RPH3A: variants seen among roughly 807,000 people sequenced by gnomAD.
RPH3A encodes rabphilin 3A.
Under a neutral mutation model 102.2 loss-of-function variants are expected in RPH3A, and 48 were observed. That is an observed-to-expected ratio of 0.47 (90% CI 0.37 to 0.60). The LOEUF is 0.60. RPH3A is among the 20% of genes least tolerant of loss of function. The pLI is 0.00. For missense variants in RPH3A, 781 were observed against 910.1 expected, an observed-to-expected ratio of 0.86 and a Z score of 1.83; for synonymous variants, 310 against 324.3, an observed-to-expected ratio of 0.96 and a Z score of 0.47.
intron 10 of RPH3A, among the ~76,000 whole-genome samples, chr12:112,871,215 C>A (rs181977286): frequency 6.6e-6 from 1 of 152,238 alleles, no homozygotes; most frequent in East Asian, 1.9e-4. Context: ...TAAAATCTAC[C>A]ATTTTAACCA....
At position 112,678,299 on chromosome 12, in the gene RPH3A, A is replaced by AGAGAGAG. The variant is rs1389109730; in HGVS notation, c.-140+102980_-140+102981insGAGAGAG. ...AAAGAAAGAAAGAAAGAAAGAAAGA[A>AGAGAGAG]AGAAAGAGAGAGAGAGAGAAAGAAA... On this transcript the variant is annotated intron_variant, in intron 1 of 21. Transcript: ENST00000543106. Among the ~76,000 whole-genome samples the AGAGAGAG allele has an allele frequency of 1.6e-3, 68 of 41,350 alleles. 2 individuals carry two copies. Among genetic ancestry groups the AGAGAGAG allele is most frequent in the South Asian group, 0.013 (19 of 1,514 alleles). 27.1% of individuals were successfully genotyped at this position (41,350 alleles called of 152,430 possible).
chr12:112,870,033 C>A lies in RPH3A; in HGVS notation c.790C>A (p.Pro264Thr). ...SGGAGDSSRS[P>T]AGLRRANSVQ... ...GGGTGCTGGAGACTCCAGCCGGAGC[C>A]CAGCAGGTGAGCAAGATGGGCAAAT... The change falls in exon 10 of 22, where the codon CCA becomes ACA. Residue 264 changes from proline to threonine, a missense_variant. Physicochemically the swap from Pro to Thr is conservative, Grantham distance 38 (BLOSUM62 -1). Coordinates refer to ENST00000389385, the MANE Select transcript of RPH3A (RefSeq NM_001143854.2). The A allele has an allele frequency of 6.2e-7, 1 of 1,610,712 alleles. No homozygotes were observed. The highest frequency in any genetic ancestry group is 8.5e-7 in the Non-Finnish European group (1 of 1,178,894).
chr12:112,834,732 G>A (rs10850085), intron 3 of RPH3A, among the ~76,000 whole-genome samples: 47,820 of 151,810 alleles, frequency 0.31, 7,816 homozygotes, highest in Middle Eastern at 0.39. Flanking sequence ...TTTTTCATTC[G>A]TGTAACTTTT....
intron 1 of RPH3A, among the ~76,000 whole-genome samples, chr12:112,596,910 G>C (rs185652334): frequency 1.1e-4 from 16 of 152,328 alleles, no homozygotes; most frequent in Non-Finnish European, 2.1e-4. Flanking sequence ...GTTTTTGTCA[G>C]TGTAGAGGTC....
At chr12:112,788,413 T>C (rs559195898), upstream of RPH3A, among the ~76,000 whole-genome samples, 33 of 152,326 alleles carry the variant, frequency 2.2e-4, no homozygotes, top group Admixed American at 1.3e-3. Context: ...CTAGGGGGCC[T>C]GGTTTAGGAA....
chr12:112,807,879 G>A lies in RPH3A; in HGVS notation c.-19+15616G>A, dbSNP rs375388663. 2.8e-4 allele frequency among the ~76,000 whole-genome samples: 43 copies of A among 152,092 alleles called. No individual in the cohort carries two copies. The East Asian group carries it at 6.9e-3, about 25-fold the overall frequency. On this transcript the variant is annotated intron_variant, in intron 2 of 21. Transcript: ENST00000389385. ...ATTTTCCTCCCTGGCACTTGGCACC[G>A]TGTACCTGCTATCTACTTTAATTAT...
intron 4 of RPH3A, among the ~76,000 whole-genome samples, chr12:112,839,464 AG>A (rs2042107635): frequency 6.6e-6 from 1 of 152,168 alleles, no homozygotes; most frequent in Non-Finnish European, 1.5e-5. Context: ...TATGCATCAA[AG>A]GGTTGGCTGA....
At chr12:112,652,498 G>T (rs964047229) in intron 1 of RPH3A, among the ~76,000 whole-genome samples, 2 of 152,056 alleles carry the variant, frequency 1.3e-5, no homozygotes, top group Non-Finnish European at 2.9e-5. Context: ...CAAACCTGTT[G>T]CTCCCTCCAT....
intron 1 of RPH3A, among the ~76,000 whole-genome samples, chr12:112,713,001 C>T (rs2040482595): frequency 2.7e-5 from 2 of 74,722 alleles, no homozygotes; most frequent in African/African-American, 1.2e-4. Flanking sequence ...TTGTCTTCCT[C>T]TTCCTCTTCC....
At chr12:112,730,729 C>T (rs1054484456) in intron 1 of RPH3A, among the ~76,000 whole-genome samples, 8 of 152,164 alleles carry the variant, frequency 5.3e-5, no homozygotes, top group African/African-American at 1.9e-4. Context: ...GTGAAAATAC[C>T]TGGCCGAGAC....
chr12:112,869,540 A>T lies in RPH3A; in HGVS notation c.611-219A>T, dbSNP rs1225263821. ...AGGCTGTATAGCATAATTGTTCTTT[A>T]TAAAGCCTGTGTATGCTCATATGTG... On this transcript the variant is annotated intron_variant, in intron 8 of 21. Transcript: ENST00000389385. 4 of 566,222 alleles carry T rather than the reference A, an allele frequency of 7.1e-6. No homozygotes were observed. The African/African-American group carries it at 7.5e-5, about 11-fold the overall frequency. 35.1% of individuals were successfully genotyped at this position (566,222 alleles called of 1,614,324 possible). A position where few individuals can be genotyped will look rare whatever the true frequency, so the allele number is the denominator to read the frequency against.
In RPH3A at chr12:112,883,362, C is replaced by T. The variant is rs1593125901; in HGVS notation, c.1396C>T (p.His466Tyr). The T allele has an allele frequency of 3.7e-6, 6 of 1,614,136 alleles. No homozygotes were observed. The East Asian group carries it at 1.3e-4, about 36-fold the overall frequency. Reference sequence around the variant, plus strand: ...CATCTGGAATGAGACCCTCGTGTATCACGGCATCACCGATGAGGACATGCA... The same window carrying T: ...CATCTGGAATGAGACCCTCGTGTATTACGGCATCACCGATGAGGACATGCA... The part of the protein sequence containing the change: ...NPIWNETLVY[H>Y]GITDEDMQRK... Residue 466 changes from histidine to tyrosine, a missense_variant, in exon 16 of 22, where the codon CAC becomes TAC. Around this residue, in one of 2 missense-constraint regions of RPH3A, gnomAD observed 730 missense variants for 810.0 expected, o/e 0.90. Coordinates refer to ENST00000389385, the MANE Select transcript of RPH3A (RefSeq NM_001143854.2).
At chr12:112,683,436 A>AT (rs796750790) in intron 1 of RPH3A, among the ~76,000 whole-genome samples, 98 of 152,232 alleles carry the variant, frequency 6.4e-4, no homozygotes, top group African/African-American at 2.3e-3. Context: ...AGAAGTTGAT[A>AT]TTGCCTTAGT....
intron 1 of RPH3A, among the ~76,000 whole-genome samples, chr12:112,683,891 A>T (rs1289022690): frequency 6.6e-6 from 1 of 152,180 alleles, no homozygotes; most frequent in African/African-American, 2.4e-5. Context: ...AGTGTCTTCT[A>T]TAATTTCTTT....
intron 1 of RPH3A, among the ~76,000 whole-genome samples, chr12:112,612,372 C>G (rs1007697835): frequency 1.3e-5 from 2 of 152,010 alleles, no homozygotes; most frequent in Non-Finnish European, 2.9e-5. Context: ...TTAACGGGCC[C>G]GAGAAACAGG....
At chr12:112,868,773 A>T in intron 8 of RPH3A, 178 bp downstream of exon 8, 1 of 614,782 alleles carries the variant, frequency 1.6e-6, no homozygotes, top group Non-Finnish European at 2.7e-6. Context: ...CGTTACCAAG[A>T]GGGTAGCACA....
intron 4 of RPH3A, among the ~76,000 whole-genome samples, chr12:112,836,886 T>C (rs1403239295): frequency 6.6e-6 from 1 of 152,208 alleles, no homozygotes; most frequent in African/African-American, 2.4e-5. Flanking sequence ...GAATAAAAGA[T>C]GACGATGAAC....
chr12:112,801,426 G>A (rs528256796), intron 2 of RPH3A, among the ~76,000 whole-genome samples: 14 of 152,318 alleles, frequency 9.2e-5, no homozygotes, highest in African/African-American at 3.4e-4. Context: ...GGGTTTATCT[G>A]ACTGGGCAGG....
intron 1 of RPH3A, among the ~76,000 whole-genome samples, chr12:112,722,338 C>A (rs1395120356): frequency 6.6e-6 from 1 of 152,192 alleles, no homozygotes; most frequent in African/African-American, 2.4e-5. Flanking sequence ...GGGCCAAATA[C>A]AAATTCTTAT....
Sources: allele counts gnomAD v4.1 joint callset (sites outside exome capture counted in the v4.1 genomes callset), GRCh38; gene constraint gnomAD v4.1.1; regional missense constraint gnomAD v4.1.1; transcripts MANE v1.5; gene names NCBI Gene and HGNC (gene_info 2026-07-23, HGNC 2026-07-21).